Variants in TRPM3 observed in about 807,000 individuals in gnomAD.
TRPM3 encodes the protein transient receptor potential cation channel subfamily M member 3, also known as long transient receptor potential channel 3.
TRPM3 carries 77 observed loss-of-function variants against 181.2 expected under a neutral mutation model. The observed-to-expected ratio is 0.42, with a 90% CI of 0.35 to 0.51. The LOEUF (loss-of-function observed/expected upper bound fraction) is 0.51. TRPM3 is among the 20% of genes least tolerant of loss of function. The probability of loss-of-function intolerance (pLI) is 0.01; values close to 1 mark genes in which losing one functional copy is unlikely to be tolerated. For synonymous variants in TRPM3, 745 were observed against 796.4 expected, an observed-to-expected ratio of 0.94 and a Z score of 1.09; for missense variants, 1,759 against 2,196.7, an observed-to-expected ratio of 0.80 and a Z score of 3.98.
intron 1 of TRPM3, among the ~76,000 whole-genome samples, chr9:71,254,411 A>C (rs77452757): frequency 0.017 from 2,587 of 152,232 alleles, 40 homozygotes; most frequent in South Asian, 0.039. Flanking sequence ...AAGTTCAGGA[A>C]ATCTGCTGTA....
chr9:71,435,213 T>G lies in TRPM3; in HGVS notation c.183+11440A>C, dbSNP rs149027627. Among the ~76,000 whole-genome samples the G allele has an allele frequency of 5.1e-4, 77 of 152,294 alleles. 1 individual carries two copies. The East Asian group carries it at 0.013, about 26-fold the overall frequency. On this transcript the variant is annotated intron_variant, in intron 1 of 24. Coordinates refer to the TRPM3 transcript ENST00000357533. ...AGACTAATAATATAATTAAGACAAG[T>G]TTAGTGTACTTATAATGTGAATAAT... is the stretch of plus-strand genomic sequence containing the variant.
At chr9:71,319,979 T>C (rs1408353159) in intron 1 of TRPM3, among the ~76,000 whole-genome samples, 1 of 152,120 alleles carries the variant, frequency 6.6e-6, no homozygotes, top group Non-Finnish European at 1.5e-5. Context: ...GCTACTAAAA[T>C]TAGACTATAT....
intron 6 of TRPM3, among the ~76,000 whole-genome samples, chr9:70,801,673 C>T (rs924870870): frequency 2.6e-5 from 4 of 151,898 alleles, no homozygotes; most frequent in African/African-American, 9.7e-5. Flanking sequence ...CTTAATCACT[C>T]GAGTATTTAA....
chr9:70,620,964 A>T (rs538676583), intron 15 of TRPM3, among the ~76,000 whole-genome samples: 5 of 149,424 alleles, frequency 3.3e-5, no homozygotes, highest in Non-Finnish European at 7.4e-5. Flanking sequence ...ATATAACCTC[A>T]TGGTGGAATT....
intron 1 of TRPM3, among the ~76,000 whole-genome samples, chr9:70,952,088 A>G (rs147253130): frequency 3.7e-4 from 57 of 152,266 alleles, no homozygotes; most frequent in African/African-American, 1.3e-3. Context: ...CCTAACCATA[A>G]ATGAACCCAC....
At chr9:71,153,036 C>G (rs1243104599) in intron 1 of TRPM3, among the ~76,000 whole-genome samples, 1 of 152,064 alleles carries the variant, frequency 6.6e-6, no homozygotes, top group Non-Finnish European at 1.5e-5. Flanking sequence ...TACAGCATTT[C>G]ATATGCTATT....
chr9:71,063,147 C>A (rs1470753543), intron 1 of TRPM3, among the ~76,000 whole-genome samples: 3 of 152,072 alleles, frequency 2.0e-5, no homozygotes, highest in African/African-American at 7.2e-5. Context: ...TCAAAGCAAT[C>A]ATCAAAGCAG....
At chr9:71,434,713 T>C (rs1037377544) in intron 1 of TRPM3, among the ~76,000 whole-genome samples, 1 of 152,206 alleles carries the variant, frequency 6.6e-6, no homozygotes, top group African/African-American at 2.4e-5. Context: ...ATAGGCCCAT[T>C]TTTGAAAAGA....
chr9:70,974,388 A>G (rs2097279196), intron 1 of TRPM3, among the ~76,000 whole-genome samples: 1 of 152,034 alleles, frequency 6.6e-6, no homozygotes, highest in Non-Finnish European at 1.5e-5. Context: ...AAATACCAAA[A>G]ATTAGCCGCG....
chr9:70,773,463 C>T (rs942523760), intron 7 of TRPM3, among the ~76,000 whole-genome samples: 1 of 152,102 alleles, frequency 6.6e-6, no homozygotes, highest in African/African-American at 2.4e-5. Flanking sequence ...GAGCATGCTG[C>T]TGGGGAGAGG....
chr9:70,945,257 C>T (rs545734257), intron 1 of TRPM3, among the ~76,000 whole-genome samples: 20 of 152,242 alleles, frequency 1.3e-4, no homozygotes, highest in South Asian at 6.2e-4. Flanking sequence ...ATTACCTTTT[C>T]GTAATATTAA....
chr9:71,366,829 CA>C (rs11298843), intron 1 of TRPM3, among the ~76,000 whole-genome samples: 2,130 of 152,102 alleles, frequency 0.014, 41 homozygotes, highest in African/African-American at 0.046. Flanking sequence ...TAAAATTTGG[CA>C]GGGGTAAATC....
At chr9:71,155,570 G>A (rs1320017842) in intron 1 of TRPM3, among the ~76,000 whole-genome samples, 1 of 147,956 alleles carries the variant, frequency 6.8e-6, no homozygotes, top group East Asian at 2.0e-4. Context: ...GGCCAGGCTG[G>A]TCTTGAACTC....
At chr9:71,252,845 C>CTTT (rs1456725350) in intron 1 of TRPM3, among the ~76,000 whole-genome samples, 16 of 57,466 alleles carry the variant, frequency 2.8e-4, no homozygotes, top group African/African-American at 3.9e-4. Context: ...CTAATTTTGT[C>CTTT]TCTTTTTTTT....
rs117516002 is a variant in TRPM3 at position 71,054,694 on chromosome 9, A to T, written c.177+66484T>A. Reference sequence around the variant, plus strand: ...GGCATCCCCATGGTTCTAATAACAAAGGAGCTTGCAATTTCACTAGAGAAG... The same window carrying T: ...GGCATCCCCATGGTTCTAATAACAATGGAGCTTGCAATTTCACTAGAGAAG... On this transcript the variant is annotated intron_variant, in intron 1 of 25. Transcript: ENST00000677713. Among the ~76,000 whole-genome samples the T allele has an allele frequency of 4.9e-3, 746 of 152,232 alleles. 17 individuals are homozygous for T. The East Asian group carries it at 0.077, about 16-fold the overall frequency.
chr9:70,682,014 G>A (rs1021964461), intron 8 of TRPM3, among the ~76,000 whole-genome samples: 2 of 152,132 alleles, frequency 1.3e-5, no homozygotes, highest in Non-Finnish European at 2.9e-5. Context: ...TAGAACTGCT[G>A]TTTATGAACC....
intron 8 of TRPM3, among the ~76,000 whole-genome samples, chr9:70,694,741 A>G (rs916046379): frequency 1.3e-5 from 2 of 152,160 alleles, no homozygotes; most frequent in Non-Finnish European, 1.5e-5. Flanking sequence ...CGGCCTCCCA[A>G]AGTGCTGGGA....
intron 1 of TRPM3, among the ~76,000 whole-genome samples, chr9:71,426,353 C>G (rs984888978): frequency 5.3e-5 from 8 of 151,554 alleles, no homozygotes; most frequent in African/African-American, 1.9e-4. Flanking sequence ...CACACTACCA[C>G]TGGCACTTTT....
chr9:70,876,467 T>C (rs1221585907), intron 1 of TRPM3, among the ~76,000 whole-genome samples: 1 of 151,424 alleles, frequency 6.6e-6, no homozygotes, highest in South Asian at 2.1e-4. Context: ...GTATGATTAG[T>C]CGATTTAAAA....
Sources: allele counts gnomAD v4.1 joint callset (sites outside exome capture counted in the v4.1 genomes callset), GRCh38; gene constraint gnomAD v4.1.1; transcripts MANE v1.5; gene names NCBI Gene and HGNC (gene_info 2026-07-23, HGNC 2026-07-21).